Variants in GRIK4 observed in about 807,000 individuals in gnomAD.
GRIK4 encodes the protein glutamate receptor ionotropic, kainate 4.
A neutral mutation model predicts 104.9 loss-of-function variants in GRIK4; 40 were observed. That is an observed-to-expected ratio of 0.38 (90% CI 0.30 to 0.50). GRIK4 has a LOEUF of 0.50. Among genes scored for constraint, GRIK4 ranks in the 20% least tolerant of loss-of-function variants. GRIK4 has a pLI of 0.93. For missense variants in GRIK4, 1,047 were observed against 1,308.1 expected (o/e 0.80, Z 3.08); for synonymous variants, 485 against 524.9 (o/e 0.92, Z 1.04).
chr11:120,776,258 C>T (rs1952040324), intron 3 of GRIK4, among the ~76,000 whole-genome samples: 1 of 152,102 alleles, frequency 6.6e-6, no homozygotes. Flanking sequence ...ACCTCTGGGA[C>T]CGCGTGGACC....
chr11:120,959,620 G>T (rs552145882), intron 16 of GRIK4, among the ~76,000 whole-genome samples: 7 of 152,302 alleles, frequency 4.6e-5, no homozygotes, highest in South Asian at 2.1e-4. Flanking sequence ...ATGGGAGAAG[G>T]CTTGTTTAAC....
At chr11:120,868,098 C>T (rs1243472703) in intron 9 of GRIK4, 1 of 152,062 alleles carries the variant, frequency 6.6e-6, no homozygotes, top group Non-Finnish European at 1.5e-5. Context: ...ATCCCGTCAT[C>T]TGGGGCATGG....
chr11:120,573,718 G>T (rs1948435407), intron 1 of GRIK4, among the ~76,000 whole-genome samples: 1 of 152,220 alleles, frequency 6.6e-6, no homozygotes, highest in African/African-American at 2.4e-5. Context: ...GCAGGTGCTG[G>T]TCCTGGCTTC....
In GRIK4 at chr11:120,941,388, C is replaced by G. The variant is rs1200661675; in HGVS notation, c.1590+928C>G. On this transcript the variant is annotated intron_variant, in intron 14 of 20. Transcript: ENST00000527524. ...GCTGAAGAAGTGACCCCTTGCCAGG[C>G]CCCACATCCCAGCTCTAGAGAAAAG... is the stretch of plus-strand genomic sequence containing the variant. Among the ~76,000 whole-genome samples the G allele has an allele frequency of 2.0e-5, 3 of 152,278 alleles. No individual in the cohort carries two copies. In the East Asian group the frequency reaches 5.8e-4, roughly 29 times the overall value.
At chr11:120,958,566 A>G (rs1006593806) in intron 16 of GRIK4, among the ~76,000 whole-genome samples, 1 of 152,248 alleles carries the variant, frequency 6.6e-6, no homozygotes, top group East Asian at 1.9e-4. Flanking sequence ...CACGTGATAG[A>G]AAACACCATG....
rs945438232 is a variant in GRIK4, at chr11:120,982,004, C to T, written c.2396-102C>T. ...CATGGGTGTCTACTTGAGCATCTAC[C>T]ATACTCAAGTTCTTGTTTGAATGAT... On this transcript the variant is annotated intron_variant, in intron 19 of 20. Coordinates refer to ENST00000527524, the MANE Select transcript of GRIK4 (RefSeq NM_014619.5). 15 of 798,432 alleles carry T rather than the reference C, an allele frequency of 1.9e-5. No homozygotes were observed. In the Admixed American group the frequency reaches 2.1e-4, roughly 11 times the overall value. The allele number at this position is 798,432 out of a possible 1,614,324, so 49.5% of individuals were successfully genotyped here.
chr11:120,559,905 G>A (rs1948222131), intron 1 of GRIK4, among the ~76,000 whole-genome samples: 1 of 152,314 alleles, frequency 6.6e-6, no homozygotes, highest in South Asian at 2.1e-4. Context: ...GGAGGCCTGA[G>A]AGGGAGGCCT....
intron 8 of GRIK4, among the ~76,000 whole-genome samples, chr11:120,838,923 A>T (rs1336691177): frequency 6.6e-6 from 1 of 152,056 alleles, no homozygotes; most frequent in Non-Finnish European, 1.5e-5. Context: ...AGTAGCTGGG[A>T]TTACAGGCAC....
chr11:120,840,194 G>A (rs1012812974), intron 8 of GRIK4, among the ~76,000 whole-genome samples: 2 of 152,218 alleles, frequency 1.3e-5, no homozygotes, highest in Non-Finnish European at 2.9e-5. Flanking sequence ...TTCTGCAGGA[G>A]GGGAGAGAGC....
chr11:120,707,573 A>G (rs1039434636), intron 3 of GRIK4, among the ~76,000 whole-genome samples: 5 of 152,250 alleles, frequency 3.3e-5, no homozygotes, highest in Non-Finnish European at 5.9e-5. Flanking sequence ...CTATTACTCT[A>G]TAACAAATCA....
At position 120,905,515 on chromosome 11, in the gene GRIK4, T is replaced by C. The variant is rs1324137910; in HGVS notation, c.1476+22T>C. ...TAGGGTAAGGAGAGGACAAGTGATC[T>C]GGGCCTGAGGGTGGGCTGGGAGGGA... On this transcript the variant is annotated intron_variant, in intron 13 of 20. Transcript: ENST00000527524. The surrounding 1 kb of genome is among the most constrained non-coding windows in gnomAD (Gnocchi z 5.1). The C allele has an allele frequency of 4.1e-6, 2 of 492,748 alleles. No individual in the cohort carries two copies. Among genetic ancestry groups the C allele is most frequent in the African/African-American group, 2.2e-5 (1 of 44,848 alleles). 30.5% of individuals were successfully genotyped at this position (492,748 alleles called of 1,614,324 possible). A position where few individuals can be genotyped will look rare whatever the true frequency, so the allele number is the denominator to read the frequency against.
chr11:120,681,260 G>A (rs11217971), intron 3 of GRIK4, among the ~76,000 whole-genome samples: 69,605 of 151,798 alleles, frequency 0.46, 16,326 homozygotes, highest in East Asian at 0.55. Flanking sequence ...GAAAGCTCAG[G>A]GTGCAGGAGG....
At chr11:120,888,880 C>T (rs975877909) in intron 11 of GRIK4, among the ~76,000 whole-genome samples, 1 of 152,220 alleles carries the variant, frequency 6.6e-6, no homozygotes, top group Admixed American at 6.5e-5. Flanking sequence ...TTGCAACCCA[C>T]AGTTTAACAA....
At chr11:120,548,420 C>T (rs1948107587) in intron 1 of GRIK4, among the ~76,000 whole-genome samples, 1 of 151,912 alleles carries the variant, frequency 6.6e-6, no homozygotes, top group African/African-American at 2.4e-5. Flanking sequence ...GGGATGGCCC[C>T]AGCAAAGGCA....
intron 19 of GRIK4, among the ~76,000 whole-genome samples, chr11:120,974,045 T>C (rs778692323): frequency 4.6e-5 from 7 of 152,070 alleles, no homozygotes; most frequent in Admixed American, 6.6e-5. Flanking sequence ...GTAGCTGGGA[T>C]TACAGGCGCA....
At chr11:120,791,121 A>G (rs1952385461) in intron 3 of GRIK4, among the ~76,000 whole-genome samples, 1 of 152,172 alleles carries the variant, frequency 6.6e-6, no homozygotes, top group Non-Finnish European at 1.5e-5. Flanking sequence ...AAATTGCACA[A>G]TGAAGAGTGG....
intron 3 of GRIK4, among the ~76,000 whole-genome samples, chr11:120,774,245 T>C (rs1341122359): frequency 1.3e-5 from 2 of 152,200 alleles, no homozygotes; most frequent in Admixed American, 1.3e-4. Flanking sequence ...GGTAGGAGTT[T>C]GCGAAAGGGA....
chr11:120,545,039 C>T (rs552852280), intron 1 of GRIK4, among the ~76,000 whole-genome samples: 19 of 152,248 alleles, frequency 1.2e-4, no homozygotes, highest in African/African-American at 3.9e-4. Context: ...AGGGAGCTTA[C>T]GCAGCTGACT....
intron 1 of GRIK4, among the ~76,000 whole-genome samples, chr11:120,521,879 C>T (rs1043855028): frequency 6.6e-5 from 10 of 152,220 alleles, no homozygotes; most frequent in South Asian, 2.1e-4. Flanking sequence ...CGGCTGCTGC[C>T]GCCTTCTGCT....
Sources: gnomAD v4.1 joint callset for allele counts (sites outside exome capture counted in the v4.1 genomes callset) on GRCh38, gnomAD v4.1.1 for gene constraint, Gnocchi (gnomAD v3.1) non-coding constraint, MANE v1.5 for transcripts, NCBI Gene and HGNC (gene_info 2026-07-23, HGNC 2026-07-21) for gene names.